The following HPSE2 variants were observed in gnomAD, a reference collection of about 807,000 sequenced individuals.
HPSE2 encodes the protein inactive heparanase-2.
Under a neutral mutation model 60.5 loss-of-function variants are expected in HPSE2, and 38 were observed. The ratio of observed to expected loss-of-function variants is 0.63; its 90% CI spans 0.48 to 0.82. The LOEUF is 0.82. Among genes scored for constraint, HPSE2 ranks in the 40% least tolerant of loss-of-function variants. The pLI is 0.00. For synonymous variants in HPSE2, 295 were observed against 293.2 expected, an observed-to-expected ratio of 1.01 and a Z score of -0.06; for missense variants, 713 against 740.4, an observed-to-expected ratio of 0.96 and a Z score of 0.43.
intron 3 of HPSE2, among the ~76,000 whole-genome samples, chr10:98,761,503 G>A (rs1193144975): frequency 6.6e-6 from 1 of 151,826 alleles, no homozygotes; most frequent in African/African-American, 2.4e-5. Flanking sequence ...TCTTAATGTA[G>A]GCATTTATTA....
intron 3 of HPSE2, among the ~76,000 whole-genome samples, chr10:99,109,156 A>G (rs186923174): frequency 6.6e-6 from 1 of 152,316 alleles, no homozygotes; most frequent in East Asian, 1.9e-4. Flanking sequence ...CTGTTTTCCA[A>G]TTGGGCAAAA....
the HPSE2 span, among the ~76,000 whole-genome samples, chr10:99,274,654 AAGAG>A: frequency 1.3e-5 from 2 of 152,192 alleles, no homozygotes; most frequent in Non-Finnish European, 2.9e-5. Context: ...AACCACAAAA[AAGAG>A]AGAGAACATT....
intron 9 of HPSE2, among the ~76,000 whole-genome samples, chr10:98,524,251 A>G (rs1409544370): frequency 3.3e-5 from 5 of 152,206 alleles, no homozygotes; most frequent in African/African-American, 1.2e-4. Flanking sequence ...GCTGTGCACA[A>G]TATGCGTGTC....
intron 2 of HPSE2, among the ~76,000 whole-genome samples, chr10:99,200,189 T>C (rs1848529366): frequency 6.6e-6 from 1 of 152,152 alleles, no homozygotes; most frequent in Non-Finnish European, 1.5e-5. Context: ...TATGTGTTTT[T>C]TTTACCACAA....
At chr10:98,734,070 G>A (rs1949290630) in intron 4 of HPSE2, among the ~76,000 whole-genome samples, 2 of 152,138 alleles carry the variant, frequency 1.3e-5, no homozygotes, top group African/African-American at 4.8e-5. Context: ...CTGTAGATTT[G>A]TCTATTCTGG....
At chr10:99,186,722 T>G (rs897755621) in intron 2 of HPSE2, among the ~76,000 whole-genome samples, 15 of 152,102 alleles carry the variant, frequency 9.9e-5, no homozygotes, top group African/African-American at 3.6e-4. Flanking sequence ...CCTGGAGGCA[T>G]GCTTATTCTT....
chr10:98,729,595 C>T (rs935318906), intron 4 of HPSE2, among the ~76,000 whole-genome samples: 14 of 151,628 alleles, frequency 9.2e-5, no homozygotes, highest in Non-Finnish European at 1.5e-4. Flanking sequence ...GGTGACAGAG[C>T]GAGACTCTGT....
chr10:99,209,271 A>G (rs1438468676), intron 2 of HPSE2, among the ~76,000 whole-genome samples: 1 of 152,228 alleles, frequency 6.6e-6, no homozygotes, highest in African/African-American at 2.4e-5. Context: ...ATTAAGGAAG[A>G]CTGAAATCAT....
rs150406647 is a variant in HPSE2 at position 98,872,537 on chromosome 10, A to G, written c.611-128481T>C. On this transcript the variant is annotated intron_variant, in intron 3 of 11. Coordinates refer to ENST00000370552, the MANE Select transcript of HPSE2 (RefSeq NM_021828.5). ...ACCTTACTTTTTAATGTAAATACTT[A>G]TATTTACTTCACCTAGGGTAAAAAC... 1.2e-4 allele frequency among the ~76,000 whole-genome samples: 19 copies of G among 152,260 alleles called. No homozygotes were observed. In the East Asian group the frequency reaches 3.3e-3, roughly 26 times the overall value.
At chr10:99,149,421 G>T (rs965806232) in intron 2 of HPSE2, among the ~76,000 whole-genome samples, 7 of 152,136 alleles carry the variant, frequency 4.6e-5, no homozygotes, top group Non-Finnish European at 1.0e-4. Context: ...CACAGGTTTC[G>T]AATTCAAATA....
intron 2 of HPSE2, among the ~76,000 whole-genome samples, chr10:99,152,480 A>C (rs914505715): frequency 1.3e-5 from 2 of 152,160 alleles, no homozygotes; most frequent in Non-Finnish European, 1.5e-5. Flanking sequence ...ATAAACAAAA[A>C]TCCTTTTCTC....
rs543776020 is a variant in HPSE2 at position 98,457,584 on chromosome 10, G to A, written c.*1990C>T. The A allele has an allele frequency of 2.8e-4, 42 of 152,350 alleles. No homozygotes were observed. Among genetic ancestry groups the A allele is most frequent in the Admixed American group, 2.5e-3 (38 of 15,306 alleles). 9.4% of individuals were successfully genotyped at this position (152,350 alleles called of 1,614,324 possible). On this transcript the variant is annotated 3_prime_UTR_variant, in exon 12 of 12. Transcript: ENST00000370552. Reference sequence around the variant, plus strand: ...TGTACCAGTATGTAGAAGAGACGTTGATATCTGCACACATTTTTAACAGTT... The same window carrying A: ...TGTACCAGTATGTAGAAGAGACGTTAATATCTGCACACATTTTTAACAGTT...
At chr10:99,205,511 G>A (rs376559165) in intron 2 of HPSE2, among the ~76,000 whole-genome samples, 32 of 152,150 alleles carry the variant, frequency 2.1e-4, no homozygotes, top group Middle Eastern at 6.8e-3. Context: ...GAACCCGGGC[G>A]GCAGAGGTTG....
intron 3 of HPSE2, among the ~76,000 whole-genome samples, chr10:99,034,620 T>C (rs917218412): frequency 6.6e-6 from 1 of 152,126 alleles, no homozygotes; most frequent in African/African-American, 2.4e-5. Flanking sequence ...CAGACACATG[T>C]GTGTATATAT....
At chr10:98,630,195 G>GTTTTTTTTTTTTT (rs149014315) in intron 7 of HPSE2, among the ~76,000 whole-genome samples, 1 of 127,274 alleles carries the variant, frequency 7.9e-6, no homozygotes, top group African/African-American at 2.9e-5. Context: ...TTTTTTTTTT[G>GTTTTTTTTTTTTT]TTTTTTTTTT....
intron 9 of HPSE2, among the ~76,000 whole-genome samples, chr10:98,540,087 T>C (rs1378053052): frequency 2.6e-5 from 4 of 152,232 alleles, no homozygotes; most frequent in Non-Finnish European, 5.9e-5. Flanking sequence ...TATGAGTCAA[T>C]GGTTCTGAAT....
intron 9 of HPSE2, among the ~76,000 whole-genome samples, chr10:98,602,762 A>G (rs1945464604): frequency 6.6e-6 from 1 of 152,220 alleles, no homozygotes; most frequent in Non-Finnish European, 1.5e-5. Context: ...CATGCAAAAG[A>G]ATGATGTTGA....
intron 3 of HPSE2, among the ~76,000 whole-genome samples, chr10:98,840,887 C>T (rs1240052226): frequency 6.6e-6 from 1 of 152,168 alleles, no homozygotes; most frequent in Non-Finnish European, 1.5e-5. Flanking sequence ...CCATACACAG[C>T]ATTGGATTAT....
At chr10:98,724,753 T>C (rs2134261927) in intron 4 of HPSE2, among the ~76,000 whole-genome samples, 1 of 152,278 alleles carries the variant, frequency 6.6e-6, no homozygotes, top group South Asian at 2.1e-4. Context: ...TCTTTGTTGA[T>C]TTAAAGTCTG....
Sources: allele counts gnomAD v4.1 joint callset (sites outside exome capture counted in the v4.1 genomes callset), GRCh38; gene constraint gnomAD v4.1.1; transcripts MANE v1.5; gene names NCBI Gene and HGNC (gene_info 2026-07-23, HGNC 2026-07-21).